HHAT: variants seen among roughly 807,000 people sequenced by gnomAD.
HHAT encodes protein-cysteine N-palmitoyltransferase HHAT.
A neutral mutation model predicts 70.8 loss-of-function variants in HHAT; 47 were observed. The observed-to-expected ratio is 0.66, with a 90% CI of 0.53 to 0.85. HHAT has a LOEUF of 0.85. HHAT is among the 40% of genes least tolerant of loss of function. HHAT has a pLI of 0.00. For missense variants in HHAT, 609 were observed against 604.8 expected, an observed-to-expected ratio of 1.01 and a Z score of -0.07; for synonymous variants, 228 against 247.6, an observed-to-expected ratio of 0.92 and a Z score of 0.74.
At chr1:210,561,284 A>G (rs1284047672) in intron 9 of HHAT, among the ~76,000 whole-genome samples, 1 of 152,228 alleles carries the variant, frequency 6.6e-6, no homozygotes, top group African/African-American at 2.4e-5. Context: ...AAATCTATTC[A>G]TAGTGTTTAA....
intron 11 of HHAT, among the ~76,000 whole-genome samples, chr1:210,635,235 A>G (rs559048938): frequency 6.6e-6 from 1 of 152,336 alleles, no homozygotes; most frequent in East Asian, 1.9e-4. Flanking sequence ...TATAAATCAT[A>G]TATTCAAGAA....
intron 8 of HHAT, among the ~76,000 whole-genome samples, chr1:210,508,482 A>G (rs1337292431): frequency 6.6e-6 from 1 of 150,516 alleles, no homozygotes; most frequent in African/African-American, 2.4e-5. Flanking sequence ...ATAACAGTTT[A>G]TAGTTTTAAA....
rs551739503 is a variant in HHAT at position 210,557,298 on chromosome 1, C to T, written c.1044-30600C>T. 3.9e-5 allele frequency among the ~76,000 whole-genome samples: 6 copies of T among 152,310 alleles called. No individual in the cohort carries two copies. In the East Asian group the frequency reaches 9.7e-4, roughly 25 times the overall value. ...ACCCATAATAAATGCCCCCATGAAC[C>T]TCAAAGTGTCCTTGGAAGGCAGATG... is the stretch of plus-strand genomic sequence containing the variant. On this transcript the variant is annotated intron_variant, in intron 9 of 11. Coordinates refer to ENST00000261458, the MANE Select transcript of HHAT (RefSeq NM_018194.6).
chr1:210,359,656 G>A (rs927662038), intron 2 of HHAT, among the ~76,000 whole-genome samples: 1 of 152,028 alleles, frequency 6.6e-6, no homozygotes, highest in African/African-American at 2.4e-5. Context: ...TCAGGAGTTC[G>A]AGACCAGCCT....
chr1:210,466,887 C>T (rs1019635061), intron 8 of HHAT, among the ~76,000 whole-genome samples: 1 of 151,992 alleles, frequency 6.6e-6, no homozygotes, highest in Non-Finnish European at 1.5e-5. Flanking sequence ...TAGTTGAGAC[C>T]CCAGGCTGCT....
intron 11 of HHAT, among the ~76,000 whole-genome samples, chr1:210,671,469 C>G (rs1680063872): frequency 6.6e-6 from 1 of 152,204 alleles, no homozygotes; most frequent in African/African-American, 2.4e-5. Flanking sequence ...TCATGTGTAC[C>G]TGGCACCTCA....
intron 3 of HHAT, among the ~76,000 whole-genome samples, chr1:210,376,896 C>T (rs1384374136): frequency 6.6e-6 from 1 of 152,212 alleles, no homozygotes; most frequent in African/African-American, 2.4e-5. Flanking sequence ...TGTTAGTTCT[C>T]CCTTTTTCTC....
chr1:210,654,210 G>C (rs1203419457), intron 11 of HHAT, among the ~76,000 whole-genome samples: 1 of 145,786 alleles, frequency 6.9e-6, no homozygotes, highest in African/African-American at 2.6e-5. Flanking sequence ...TGGGAGTAGT[G>C]TGACAGTGGA....
intron 10 of HHAT, among the ~76,000 whole-genome samples, chr1:210,600,712 T>C (rs776443866): frequency 7.2e-5 from 11 of 152,040 alleles, no homozygotes; most frequent in Non-Finnish European, 1.6e-4. Context: ...GGAGTGAGGA[T>C]TTCTGTTTAG....
intron 2 of HHAT, among the ~76,000 whole-genome samples, chr1:210,350,754 T>C (rs929480487): frequency 5.3e-5 from 8 of 152,230 alleles, no homozygotes; most frequent in Admixed American, 2.0e-4. Flanking sequence ...TTTTTGTTGT[T>C]GTTGTATTGC....
chr1:210,378,469 C>A (rs1472885520), intron 3 of HHAT, among the ~76,000 whole-genome samples: 1 of 152,022 alleles, frequency 6.6e-6, no homozygotes, highest in African/African-American at 2.4e-5. Context: ...ATACTGTTTT[C>A]TCTGAAGGAA....
intron 3 of HHAT, among the ~76,000 whole-genome samples, chr1:210,385,252 C>CTTTTTTTTTTTTTTTTTTTTTTT (rs55887436): frequency 7.2e-6 from 1 of 138,896 alleles, no homozygotes; most frequent in African/African-American, 2.7e-5. Context: ...ATATGTTTTT[C>CTTTTTTTTTTTTTTTTTTTTTTT]TTTTTTTTTT....
At chr1:210,632,163 A>G (rs1240792028) in intron 11 of HHAT, among the ~76,000 whole-genome samples, 3 of 152,214 alleles carry the variant, frequency 2.0e-5, no homozygotes, top group African/African-American at 7.2e-5. Context: ...AGAGTGTGTT[A>G]CGGTTGAATT....
chr1:210,646,156 A>C (rs74156004), intron 11 of HHAT, among the ~76,000 whole-genome samples: 4,150 of 152,264 alleles, frequency 0.027, 190 homozygotes, highest in African/African-American at 0.095. Flanking sequence ...GGAGTTTTTC[A>C]TGTAAGTAGT....
intron 11 of HHAT, among the ~76,000 whole-genome samples, chr1:210,646,334 C>A (rs1191481004): frequency 2.0e-5 from 3 of 152,206 alleles, no homozygotes; most frequent in Non-Finnish European, 4.4e-5. Context: ...TATTTACAAA[C>A]TCCTAGCCTG....
chr1:210,624,548 G>T (rs151067272), intron 11 of HHAT, among the ~76,000 whole-genome samples: 2 of 152,188 alleles, frequency 1.3e-5, no homozygotes, highest in Non-Finnish European at 2.9e-5. Context: ...GCTCTTGGTT[G>T]TGGGTATTTT....
At chr1:210,522,466 A>G (rs926196736) in intron 9 of HHAT, among the ~76,000 whole-genome samples, 1 of 151,782 alleles carries the variant, frequency 6.6e-6, no homozygotes, top group Non-Finnish European at 1.5e-5. Flanking sequence ...GAGGCAATTA[A>G]TGAAAATTCA....
intron 9 of HHAT, among the ~76,000 whole-genome samples, chr1:210,559,984 C>T (rs2095606728): frequency 6.7e-6 from 1 of 149,980 alleles, no homozygotes; most frequent in African/African-American, 2.5e-5. Flanking sequence ...GGCTTTCATC[C>T]ACTAATCGTA....
chr1:210,617,044 T>C (rs1180493490), intron 10 of HHAT, among the ~76,000 whole-genome samples: 1 of 152,254 alleles, frequency 6.6e-6, no homozygotes, highest in Non-Finnish European at 1.5e-5. Flanking sequence ...CAGCATGTGC[T>C]GGGCAACACA....
Sources: allele counts gnomAD v4.1 joint callset (sites outside exome capture counted in the v4.1 genomes callset), GRCh38; gene constraint gnomAD v4.1.1; transcripts MANE v1.5; gene names NCBI Gene and HGNC (gene_info 2026-07-23, HGNC 2026-07-21).